The following SDK1 variants were observed in gnomAD, a reference collection of about 807,000 sequenced individuals.
SDK1 encodes sidekick cell adhesion molecule 1, also known as protein sidekick-1.
A neutral mutation model predicts 245.5 loss-of-function variants in SDK1; 157 were observed. The ratio of observed to expected loss-of-function variants is 0.64; its 90% confidence interval spans 0.56 to 0.73. The LOEUF (loss-of-function observed/expected upper bound fraction) is 0.73, where lower values mean the gene tolerates loss of function less well. Ranked by LOEUF, SDK1 falls within the 30% of genes least tolerant of loss-of-function variation. The pLI is 0.00. For missense variants in SDK1, 3,583 were observed against 3,002.3 expected (o/e 1.19, Z -4.52); for synonymous variants, 1,647 against 1,278.5 (o/e 1.29, Z -6.15).
chr7:4,163,213 G>C (rs564713167), intron 32 of SDK1, among the ~76,000 whole-genome samples: 1 of 152,260 alleles, frequency 6.6e-6, no homozygotes, highest in East Asian at 1.9e-4. Context: ...CATGAGGACA[G>C]GTCAGCCTGG....
intron 2 of SDK1, among the ~76,000 whole-genome samples, chr7:3,634,567 C>G (rs1194189876): frequency 2.0e-5 from 3 of 152,178 alleles, no homozygotes; most frequent in African/African-American, 7.2e-5. Flanking sequence ...ATTTTCTATA[C>G]TTTAGTGGCA....
At chr7:3,826,219 A>G (rs762073080) in intron 5 of SDK1, among the ~76,000 whole-genome samples, 6 of 152,198 alleles carry the variant, frequency 3.9e-5, no homozygotes, top group African/African-American at 1.4e-4. Context: ...CTCCTTATGC[A>G]TGAACACCTA....
At chr7:3,759,672 A>T (rs1986132) in intron 4 of SDK1, among the ~76,000 whole-genome samples, 1 of 151,030 alleles carries the variant, frequency 6.6e-6, no homozygotes, top group Admixed American at 6.6e-5. Context: ...GCTCATTGCA[A>T]CCTCCACCTC....
intron 5 of SDK1, among the ~76,000 whole-genome samples, chr7:3,940,946 AC>A (rs1483677675): frequency 6.6e-5 from 10 of 151,460 alleles, no homozygotes; most frequent in African/African-American, 2.4e-4. Flanking sequence ...CCGCCCATGT[AC>A]CCCCTGAACC....
chr7:4,220,118 AGGT>A lies in SDK1; in HGVS notation c.5554_5556del (p.Val1852del), dbSNP rs761699582. Reference sequence around the variant, plus strand: ...CTTCTGGCGGCTGCAGGGGTGAGCAAGGTGGTGACCGTGGAAGTGAGAGGGAAC... The same window carrying A: ...CTTCTGGCGGCTGCAGGGGTGAGCAAGGTGACCGTGGAAGTGAGAGGGAAC... On this transcript the variant is annotated inframe_deletion, in exon 39 of 45. Coordinates refer to ENST00000404826, the MANE Select transcript of SDK1 (RefSeq NM_152744.4). 6.2e-7 allele frequency: 1 copy of A among 1,613,816 alleles called. No homozygotes were observed. The highest frequency in any genetic ancestry group is 1.7e-5 in the Admixed American group (1 of 59,992).
At chr7:4,030,426 A>G (rs982456516) in intron 17 of SDK1, among the ~76,000 whole-genome samples, 1 of 152,216 alleles carries the variant, frequency 6.6e-6, no homozygotes, top group Non-Finnish European at 1.5e-5. Flanking sequence ...GAGTTGACGT[A>G]AGGAGCAGGA....
At chr7:3,917,662 A>G (rs540644470) in intron 5 of SDK1, among the ~76,000 whole-genome samples, 78 of 152,314 alleles carry the variant, frequency 5.1e-4, no homozygotes, top group African/African-American at 1.8e-3. Context: ...AGGAACGTCT[A>G]TGGGACCAGC....
chr7:3,919,869 C>A (rs1318469518), intron 5 of SDK1, among the ~76,000 whole-genome samples: 5 of 152,176 alleles, frequency 3.3e-5, no homozygotes, highest in Admixed American at 6.5e-5. Context: ...GAGGTCACAT[C>A]CCTCTGAGGA....
At chr7:3,952,584 A>G (rs1315052272) in intron 7 of SDK1, among the ~76,000 whole-genome samples, 1 of 135,066 alleles carries the variant, frequency 7.4e-6, no homozygotes, top group African/African-American at 3.8e-5. Flanking sequence ...ACTCCAACTC[A>G]AAAAAAAAAT....
At chr7:3,378,433 G>A (rs961758291) in intron 1 of SDK1, among the ~76,000 whole-genome samples, 2 of 152,068 alleles carry the variant, frequency 1.3e-5, no homozygotes, top group African/African-American at 2.4e-5. Context: ...TATCACTTGC[G>A]TTTCTTCGAG....
chr7:3,864,181 T>C (rs376962949), intron 5 of SDK1, among the ~76,000 whole-genome samples: 20 of 152,366 alleles, frequency 1.3e-4, no homozygotes, highest in African/African-American at 4.8e-4. Context: ...TCATTCACTG[T>C]GCCTGGAACT....
At chr7:3,473,437 TTAGTG>T (rs770114652) in intron 1 of SDK1, among the ~76,000 whole-genome samples, 2 of 152,216 alleles carry the variant, frequency 1.3e-5, no homozygotes, top group Admixed American at 6.5e-5. Context: ...AGATGTGTGT[TTAGTG>T]TATTGTTAGG....
intron 4 of SDK1, among the ~76,000 whole-genome samples, chr7:3,700,913 T>G (rs1461204498): frequency 6.6e-6 from 1 of 152,192 alleles, no homozygotes; most frequent in African/African-American, 2.4e-5. Flanking sequence ...TAGGAACCCA[T>G]TCTCTTAGTT....
intron 4 of SDK1, among the ~76,000 whole-genome samples, chr7:3,686,000 A>C (rs752833454): frequency 2.6e-5 from 4 of 152,238 alleles, no homozygotes; most frequent in Non-Finnish European, 2.9e-5. Flanking sequence ...ACTGTCTACA[A>C]GAAGCTCACT....
intron 1 of SDK1, among the ~76,000 whole-genome samples, chr7:3,518,455 C>T (rs1169930636): frequency 6.6e-6 from 1 of 150,526 alleles, no homozygotes; most frequent in African/African-American, 2.4e-5. Flanking sequence ...AACTAATATC[C>T]AGAATGTACT....
chr7:4,036,833 T>G (rs1788255995), intron 17 of SDK1, among the ~76,000 whole-genome samples: 1 of 152,198 alleles, frequency 6.6e-6, no homozygotes, highest in African/African-American at 2.4e-5. Context: ...CCATCCCAGC[T>G]TGCAGAACTG....
chr7:3,662,776 A>G (rs1277444871), intron 4 of SDK1, among the ~76,000 whole-genome samples: 1 of 152,230 alleles, frequency 6.6e-6, no homozygotes, highest in East Asian at 1.9e-4. Flanking sequence ...AAATGCTTCA[A>G]AATCTAAAGC....
At chr7:3,526,014 C>T (rs1293765620) in intron 1 of SDK1, among the ~76,000 whole-genome samples, 1 of 152,088 alleles carries the variant, frequency 6.6e-6, no homozygotes, top group Non-Finnish European at 1.5e-5. Flanking sequence ...CAGGTGGAAT[C>T]ACCTGAGGTC....
intron 1 of SDK1, among the ~76,000 whole-genome samples, chr7:3,433,678 C>G (rs1314718780): frequency 1.3e-5 from 2 of 152,230 alleles, no homozygotes; most frequent in East Asian, 3.9e-4. Context: ...CAAATACAAA[C>G]ATGTTGGAAA....
Sources: gnomAD v4.1 joint callset for allele counts (sites outside exome capture counted in the v4.1 genomes callset) on GRCh38, gnomAD v4.1.1 for gene constraint, MANE v1.5 for transcripts, NCBI Gene and HGNC (gene_info 2026-07-23, HGNC 2026-07-21) for gene names.